Variants in STXBP5L observed in about 807,000 individuals in gnomAD.
The protein encoded by STXBP5L is syntaxin-binding protein 5-like.
STXBP5L carries 65 observed loss-of-function variants against 144.5 expected under a neutral mutation model. The ratio of observed to expected loss-of-function variants is 0.45; its 90% confidence interval spans 0.37 to 0.55. The LOEUF (loss-of-function observed/expected upper bound fraction) is 0.55. Ranked by LOEUF, STXBP5L falls within the 20% of genes least tolerant of loss-of-function variation. The pLI is 0.00. For missense variants in STXBP5L, 1,298 were observed against 1,405.5 expected, an observed-to-expected ratio of 0.92 and a Z score of 1.22; for synonymous variants, 505 against 469.6, an observed-to-expected ratio of 1.08 and a Z score of -0.97.
chr3:120,924,043 G>A (rs1017983806), intron 2 of STXBP5L, among the ~76,000 whole-genome samples: 2 of 152,008 alleles, frequency 1.3e-5, no homozygotes, highest in Admixed American at 1.3e-4. Flanking sequence ...TCTCAAAGAC[G>A]TTTCTCCTAC....
intron 3 of STXBP5L, among the ~76,000 whole-genome samples, chr3:121,003,044 G>C (rs1019641438): frequency 6.6e-6 from 1 of 152,188 alleles, no homozygotes; most frequent in South Asian, 2.1e-4. Context: ...ATAGCAGCAT[G>C]TTTTATAATC....
At chr3:121,387,990 G>A (rs1203605882) in intron 22 of STXBP5L, among the ~76,000 whole-genome samples, 1 of 152,136 alleles carries the variant, frequency 6.6e-6, no homozygotes, top group East Asian at 1.9e-4. Flanking sequence ...AATTACCTTG[G>A]GCAGTATGGC....
chr3:120,971,319 T>C (rs2107795743), intron 3 of STXBP5L, among the ~76,000 whole-genome samples: 1 of 152,156 alleles, frequency 6.6e-6, no homozygotes, highest in Non-Finnish European at 1.5e-5. Flanking sequence ...TTTGTACCCG[T>C]CACCCAAGTA....
intron 9 of STXBP5L, among the ~76,000 whole-genome samples, chr3:121,195,864 C>A (rs143722432): frequency 6.6e-6 from 1 of 152,176 alleles, no homozygotes; most frequent in Non-Finnish European, 1.5e-5. Context: ...CAAGCCCTGG[C>A]CCTGCCCCCT....
At chr3:121,046,406 A>AT (rs564738755) in intron 5 of STXBP5L, among the ~76,000 whole-genome samples, 7 of 152,230 alleles carry the variant, frequency 4.6e-5, no homozygotes, top group Non-Finnish European at 8.8e-5. Flanking sequence ...CTCCTCCTCA[A>AT]TTTTTTGGAG....
chr3:121,265,391 T>G (rs2108403156), intron 18 of STXBP5L, among the ~76,000 whole-genome samples: 2 of 152,206 alleles, frequency 1.3e-5, no homozygotes, highest in South Asian at 4.1e-4. Context: ...AGTAATGAAA[T>G]TAACACAGAA....
chr3:120,947,824 G>A (rs1366430607), intron 2 of STXBP5L, among the ~76,000 whole-genome samples: 1 of 151,756 alleles, frequency 6.6e-6, no homozygotes, highest in East Asian at 1.9e-4. Context: ...TCTATTGTGT[G>A]GATATACCAC....
intron 7 of STXBP5L, among the ~76,000 whole-genome samples, chr3:121,149,183 A>G (rs1330063356): frequency 6.6e-6 from 1 of 152,048 alleles, no homozygotes; most frequent in Admixed American, 6.6e-5. Context: ...GGGTATGTTT[A>G]CTTCATCATA....
intron 3 of STXBP5L, among the ~76,000 whole-genome samples, chr3:121,017,172 C>T (rs1005060771): frequency 6.6e-6 from 1 of 152,010 alleles, no homozygotes; most frequent in Non-Finnish European, 1.5e-5. Context: ...CAACAGGCTA[C>T]AGAAAAAACA....
At chr3:121,100,045 AT>A (rs2043333157) in intron 5 of STXBP5L, among the ~76,000 whole-genome samples, 1 of 152,192 alleles carries the variant, frequency 6.6e-6, no homozygotes, top group Non-Finnish European at 1.5e-5. Flanking sequence ...TGACATGAAA[AT>A]TTAACTATCC....
At chr3:120,935,780 G>GT (rs149871182) in intron 2 of STXBP5L, among the ~76,000 whole-genome samples, 15,684 of 150,270 alleles carry the variant, frequency 0.1, 1,227 homozygotes, top group Admixed American at 0.21. Context: ...GTTTTTCTGC[G>GT]TTTTTTTTTA....
intron 2 of STXBP5L, among the ~76,000 whole-genome samples, chr3:120,951,469 A>G (rs1711221051): frequency 6.6e-6 from 1 of 151,736 alleles, no homozygotes; most frequent in African/African-American, 2.4e-5. Flanking sequence ...AAAAAAACAA[A>G]CAACCCCATC....
chr3:121,033,836 A>G (rs549154133), intron 3 of STXBP5L, among the ~76,000 whole-genome samples: 2 of 152,024 alleles, frequency 1.3e-5, no homozygotes, highest in Non-Finnish European at 2.9e-5. Flanking sequence ...GTCACAGCTG[A>G]AAAGTATCAA....
At chr3:121,257,058 A>T (rs2050229205) in intron 16 of STXBP5L, 103 bp from the exon 17 acceptor site, 6 of 884,770 alleles carry the variant, frequency 6.8e-6, no homozygotes, top group South Asian at 2.3e-5. Context: ...ATTCCTAAAA[A>T]GTTATCAGGT....
Position 121,279,895 on chromosome 3 carries a change from A to T in STXBP5L, c.2049A>T (p.Arg683Ser), listed in dbSNP as rs1367626652. ...GCATGGGGACCATTGACCTATATAGATCAAGTGACTTATACCAGCGACAAC... is the reference window on the plus strand; with the variant it reads ...GCATGGGGACCATTGACCTATATAGTTCAAGTGACTTATACCAGCGACAAC... ...LLSMGTIDLY[R>S]SSDLYQRQPR... Residue 683 changes from arginine to serine, a missense_variant, in exon 19 of 27, where the codon AGA becomes AGT. Arg to Ser is a moderately radical substitution (Grantham distance 110). Transcript: ENST00000471454. 1.2e-6 allele frequency: 2 copies of T among 1,612,594 alleles called. No homozygotes were observed. Among genetic ancestry groups the T allele is most frequent in the South Asian group, 1.1e-5 (1 of 91,060 alleles).
intron 5 of STXBP5L, among the ~76,000 whole-genome samples, chr3:121,091,170 G>C (rs1156584982): frequency 6.8e-6 from 1 of 147,532 alleles, no homozygotes; most frequent in South Asian, 2.1e-4. Context: ...TCTTAATCCA[G>C]TCTATCATTG....
At chr3:121,273,554 G>T (rs1260285912) in intron 18 of STXBP5L, among the ~76,000 whole-genome samples, 1 of 151,804 alleles carries the variant, frequency 6.6e-6, no homozygotes, top group Non-Finnish European at 1.5e-5. Flanking sequence ...TTCTCTCAAG[G>T]TTATCAAAGT....
At chr3:121,169,009 G>T (rs1347106462) in intron 9 of STXBP5L, among the ~76,000 whole-genome samples, 1 of 152,178 alleles carries the variant, frequency 6.6e-6, no homozygotes, top group Non-Finnish European at 1.5e-5. Flanking sequence ...AATCCTACAA[G>T]CCAGAAGAGA....
At chr3:121,099,861 A>G (rs912060720) in intron 5 of STXBP5L, 1 of 152,170 alleles carries the variant, frequency 6.6e-6, no homozygotes, top group Admixed American at 6.5e-5. Context: ...CAAGAGACCC[A>G]TTGCACACCT....
Sources: allele counts gnomAD v4.1 joint callset (sites outside exome capture counted in the v4.1 genomes callset), GRCh38; gene constraint gnomAD v4.1.1; transcripts MANE v1.5; gene names NCBI Gene and HGNC (gene_info 2026-07-23, HGNC 2026-07-21).